CYP26B1: variants seen among roughly 807,000 people sequenced by gnomAD.
CYP26B1 encodes cytochrome P450 family 26 subfamily B member 1.
In CYP26B1, 8 loss-of-function variants were observed where a neutral mutation model predicts 39.1. The observed-to-expected ratio is 0.20, with a 90% CI of 0.12 to 0.37. The LOEUF is 0.37. Ranked by LOEUF, CYP26B1 falls within the 10% of genes least tolerant of loss-of-function variation. The pLI, the probability that CYP26B1 is intolerant of heterozygous loss-of-function variation, is 1.00. For missense variants in CYP26B1, 615 were observed against 707.0 expected (o/e 0.87, Z 1.48); for synonymous variants, 321 against 314.3 (o/e 1.02, Z -0.23).
intron 2 of CYP26B1, 120 bp from the exon 3 acceptor site, chr2:72,135,539 A>C (rs1676746607): frequency 2.8e-6 from 4 of 1,429,284 alleles, no homozygotes; most frequent in Non-Finnish European, 2.9e-6. Flanking sequence ...ACAACAGCAA[A>C]GCCTTGGGAG....
chr2:72,143,547 G>T (rs954827751), intron 2 of CYP26B1, among the ~76,000 whole-genome samples: 1 of 152,142 alleles, frequency 6.6e-6, no homozygotes, highest in Non-Finnish European at 1.5e-5. Flanking sequence ...GCAGCCGCCT[G>T]CCCGCGACTC....
intron 2 of CYP26B1, among the ~76,000 whole-genome samples, chr2:72,142,722 G>GAA (rs1331834269): frequency 2.0e-5 from 3 of 152,130 alleles, no homozygotes; most frequent in African/African-American, 7.2e-5. Context: ...GAAGCCTACA[G>GAA]CCCCTTCCAG....
At chr2:72,136,080 C>T (rs1201422429) in intron 2 of CYP26B1, among the ~76,000 whole-genome samples, 6 of 45,402 alleles carry the variant, frequency 1.3e-4, no homozygotes, top group Admixed American at 1.2e-3. Flanking sequence ...GCTGCGCAGC[C>T]CCCCTTGCCA....
intron 2 of CYP26B1, among the ~76,000 whole-genome samples, chr2:72,142,128 C>T (rs2104085540): frequency 6.8e-6 from 1 of 147,086 alleles, no homozygotes; most frequent in East Asian, 2.2e-4. Context: ...GGGTCATCTG[C>T]ACCCTCCCTT....
Position 72,132,637 on chromosome 2 carries a change from C to T in CYP26B1, c.1147-18G>A, listed in dbSNP as rs1413086487. On this transcript the variant is annotated intron_variant, in intron 5 of 5. Transcript: ENST00000001146. The stretch of plus-strand genomic sequence containing the variant: ...TGGAAACCCTGGAGCAAGATGGGGG[C>T]CGAGGAGTGGGTGGTGAGAGCCAGA... 2 of 1,584,146 alleles carry T rather than the reference C, an allele frequency of 1.3e-6. No individual in the cohort carries two copies. Among genetic ancestry groups the T allele is most frequent in the Admixed American group, 1.8e-5 (1 of 54,494 alleles).
chr2:72,136,074 C>T (rs755050903), intron 2 of CYP26B1, among the ~76,000 whole-genome samples: 39 of 116,024 alleles, frequency 3.4e-4, no homozygotes, highest in Non-Finnish European at 5.4e-4. Flanking sequence ...CGGCTGGCTG[C>T]GCAGCCCCCC....
rs190519799 is a variant in CYP26B1, at chr2:72,132,797, C to T, written c.1147-178G>A. 1.0e-3 allele frequency among the ~76,000 whole-genome samples: 156 copies of T among 152,348 alleles called. 1 individual carries two copies. Among genetic ancestry groups the T allele is most frequent in the African/African-American group, 3.5e-3 (147 of 41,586 alleles). On this transcript the variant is annotated intron_variant, in intron 5 of 5. Transcript: ENST00000001146. Reference sequence around the variant, plus strand: ...GCCCCATTCAGCATGTTAGTCCAAGCCCTTATCTGTAGATGTGCACATGTG... The same window carrying T: ...GCCCCATTCAGCATGTTAGTCCAAGTCCTTATCTGTAGATGTGCACATGTG...
chr2:72,134,317 G>A (rs3768645), intron 4 of CYP26B1, among the ~76,000 whole-genome samples: 7 of 151,330 alleles, frequency 4.6e-5, no homozygotes, highest in Admixed American at 6.6e-5. Context: ...CCTAGGGGGC[G>A]GGGGGGAGGG....
intron 1 of CYP26B1, among the ~76,000 whole-genome samples, chr2:72,145,291 C>A (rs1677090183): frequency 6.6e-6 from 1 of 152,228 alleles, no homozygotes; most frequent in African/African-American, 2.4e-5. Context: ...GCTAAATGTG[C>A]ACACACGCCA....
Position 72,147,511 on chromosome 2 carries a change from G to A in CYP26B1, c.204+120C>T. 9.9e-7 allele frequency: 1 copy of A among 1,006,898 alleles called. No individual in the cohort carries two copies. The highest frequency in any genetic ancestry group is 3.4e-5 in the Admixed American group (1 of 29,504). 62.4% of individuals were successfully genotyped at this position (1,006,898 alleles called of 1,614,324 possible). A position where few individuals can be genotyped will look rare whatever the true frequency, so the allele number is the denominator to read the frequency against. On this transcript the variant is annotated intron_variant, in intron 1 of 5. Transcript: ENST00000001146. The surrounding 1 kb of genome is among the most constrained non-coding windows in gnomAD (Gnocchi z 6.1). ...GCTGCTGCGGCAGAGAGGAGGGAAG[G>A]GGCGGGGCGGGGACCAGTGCCTTCA...
At chr2:72,137,318 A>T (rs1676806039) in intron 2 of CYP26B1, among the ~76,000 whole-genome samples, 1 of 152,220 alleles carries the variant, frequency 6.6e-6, no homozygotes, top group South Asian at 2.1e-4. Context: ...ATCATGGCCA[A>T]GTGGCTATCT....
At chr2:72,135,944 T>TG (rs372302568) in intron 2 of CYP26B1, among the ~76,000 whole-genome samples, 5 of 152,214 alleles carry the variant, frequency 3.3e-5, no homozygotes, top group African/African-American at 1.2e-4. Context: ...ATGGGGGCAA[T>TG]GGCTTTCCAC....
At position 72,147,439 on chromosome 2, in the gene CYP26B1, C is replaced by G. The variant is rs1388131441; in HGVS notation, c.204+192G>C. Among the ~76,000 whole-genome samples the G allele has an allele frequency of 3.3e-5, 5 of 152,160 alleles. No individual in the cohort carries two copies. The highest frequency in any genetic ancestry group is 2.9e-5 in the Non-Finnish European group (2 of 68,010). ...CAGCCCCCTGAACCTGCGCCGCGGGCGCCAGTGGTCCCGGAACCGCGCTGC... is the reference window on the plus strand; with the variant it reads ...CAGCCCCCTGAACCTGCGCCGCGGGGGCCAGTGGTCCCGGAACCGCGCTGC... On this transcript the variant is annotated intron_variant, in intron 1 of 5. Coordinates refer to ENST00000001146, the MANE Select transcript of CYP26B1 (RefSeq NM_019885.4). This position sits in a 1 kb window ranked among gnomAD's most constrained non-coding sequence, Gnocchi z 6.1.
Position 72,130,531 on chromosome 2 carries a change from G to C in CYP26B1, c.*1696C>G, listed in dbSNP as rs1553456489. 1 of 152,190 alleles carries C rather than the reference G, an allele frequency of 6.6e-6. No homozygotes were observed. The highest frequency in any genetic ancestry group is 1.5e-5 in the Non-Finnish European group (1 of 68,044). 9.4% of individuals were successfully genotyped at this position (152,190 alleles called of 1,614,324 possible). On this transcript the variant is annotated 3_prime_UTR_variant, in exon 6 of 6. Coordinates refer to ENST00000001146, the MANE Select transcript of CYP26B1 (RefSeq NM_019885.4). ...GATCTGGTCTGAGGGAGCCACTGAG[G>C]TGCTCACAGCAGCGATCGGGGACTG...
chr2:72,135,527 A>G, intron 2 of CYP26B1, 108 bp from the exon 3 acceptor site: 1 of 1,497,722 alleles, frequency 6.7e-7, no homozygotes, highest in Non-Finnish European at 9.1e-7. Flanking sequence ...TTCAGCTTCC[A>G]CACAACAGCA....
intron 1 of CYP26B1, chr2:72,144,542 C>G: frequency 4.5e-6 from 5 of 1,111,934 alleles, no homozygotes; most frequent in Non-Finnish European, 5.5e-6. Context: ...ACCCCCACAC[C>G]CCCACCCCGC....
chr2:72,147,614 A>T lies in CYP26B1; in HGVS notation c.204+17T>A, dbSNP rs750696092. On this transcript the variant is annotated intron_variant, in intron 1 of 5. Coordinates refer to ENST00000001146, the MANE Select transcript of CYP26B1 (RefSeq NM_019885.4). The surrounding 1 kb of genome is among the most constrained non-coding windows in gnomAD (Gnocchi z 6.1). ...GCTAGCGGACCCCGGAGTGCAGCGG[A>T]GCGAGCGCGCCCTTACCTGCAGCAG... 3.7e-6 allele frequency: 6 copies of T among 1,601,792 alleles called. No homozygotes were observed. Among genetic ancestry groups the T allele is most frequent in the Non-Finnish European group, 2.6e-6 (3 of 1,175,708 alleles).
At chr2:72,144,540 A>T in intron 1 of CYP26B1, 1 of 710,344 alleles carries the variant, frequency 1.4e-6, no homozygotes, top group South Asian at 6.6e-5. Flanking sequence ...CCACCCCCAC[A>T]CCCCCACCCC....
Position 72,147,281 on chromosome 2 carries a change from C to T in CYP26B1, c.204+350G>A, listed in dbSNP as rs1245090461. Among the ~76,000 whole-genome samples, 6 of 152,186 alleles carry T rather than the reference C, an allele frequency of 3.9e-5. No individual in the cohort carries two copies. The highest frequency in any genetic ancestry group is 1.4e-4 in the African/African-American group (6 of 41,448). Reference sequence around the variant, plus strand: ...CAGCACCGAGGGGAGGCGAAAGCGGCTCAGGACCGGACCCTCCCCCGGGAC... The same window carrying T: ...CAGCACCGAGGGGAGGCGAAAGCGGTTCAGGACCGGACCCTCCCCCGGGAC... On this transcript the variant is annotated intron_variant, in intron 1 of 5. Coordinates refer to ENST00000001146, the MANE Select transcript of CYP26B1 (RefSeq NM_019885.4). This position sits in a 1 kb window ranked among gnomAD's most constrained non-coding sequence, Gnocchi z 6.1.
Sources: allele counts gnomAD v4.1 joint callset (sites outside exome capture counted in the v4.1 genomes callset), GRCh38; gene constraint gnomAD v4.1.1; non-coding constraint Gnocchi (gnomAD v3.1); transcripts MANE v1.5; gene names NCBI Gene and HGNC (gene_info 2026-07-23, HGNC 2026-07-21).